The following THRAP3 variants were observed in gnomAD, a reference collection of about 807,000 sequenced individuals.
THRAP3 encodes thyroid hormone receptor-associated protein 3.
In THRAP3, 16 loss-of-function variants were observed where a neutral mutation model predicts 101.0. The observed-to-expected ratio is 0.16, with a 90% confidence interval of 0.11 to 0.24. The LOEUF (loss-of-function observed/expected upper bound fraction) is 0.24, where lower values mean the gene tolerates loss of function less well. THRAP3 is among the 10% of genes least tolerant of loss of function. The pLI is 1.00. For synonymous variants in THRAP3, 407 were observed against 422.6 expected (o/e 0.96, Z 0.45); for missense variants, 989 against 1,202.7 (o/e 0.82, Z 2.63).
At chr1:36,276,912 T>TA (rs1229785857) in intron 2 of THRAP3, among the ~76,000 whole-genome samples, 1 of 151,916 alleles carries the variant, frequency 6.6e-6, no homozygotes, top group African/African-American at 2.4e-5. Flanking sequence ...TGGGAGAAAA[T>TA]ACTTGCAAGT....
intron 1 of THRAP3, among the ~76,000 whole-genome samples, chr1:36,238,182 A>G (rs1223387812): frequency 6.6e-6 from 1 of 152,006 alleles, no homozygotes; most frequent in Admixed American, 6.6e-5. Flanking sequence ...TGCCCAGGGT[A>G]GTCTTAAACT....
chr1:36,213,722 C>G, the THRAP3 span, among the ~76,000 whole-genome samples: 1 of 151,766 alleles, frequency 6.6e-6, no homozygotes, highest in Non-Finnish European at 1.5e-5. Flanking sequence ...TGGCGTGCGC[C>G]TGTAATCCCA....
chr1:36,262,157 A>G (rs1645454625), intron 2 of THRAP3, among the ~76,000 whole-genome samples: 1 of 152,224 alleles, frequency 6.6e-6, no homozygotes, highest in Non-Finnish European at 1.5e-5. Flanking sequence ...TTATTTCAAC[A>G]TATAAGTGAT....
chr1:36,283,668 AGCTGTTTATTT>A (rs1557445329), intron 3 of THRAP3, among the ~76,000 whole-genome samples: 3 of 3,208 alleles, frequency 9.4e-4, no homozygotes, highest in Non-Finnish European at 5.6e-3. Context: ...TGAATTGATT[AGCTGTTTATTT>A]CAGATGAGTA....
chr1:36,282,229 TTCTC>T (rs199682194), intron 2 of THRAP3, among the ~76,000 whole-genome samples: 12,477 of 141,860 alleles, frequency 0.088, 708 homozygotes, highest in Middle Eastern at 0.24. Flanking sequence ...CTCAGCCACT[TTCTC>T]TCTTTTTTTT....
intron 2 of THRAP3, among the ~76,000 whole-genome samples, chr1:36,269,753 A>G (rs886565073): frequency 2.0e-5 from 3 of 151,360 alleles, no homozygotes; most frequent in Admixed American, 1.3e-4. Context: ...TTTTTTTTAA[A>G]TCTTCTGTAG....
chr1:36,275,586 C>G (rs867229876), intron 2 of THRAP3, among the ~76,000 whole-genome samples: 34 of 13,826 alleles, frequency 2.5e-3, no homozygotes, highest in African/African-American at 5.7e-3. Context: ...GACTCTGTCT[C>G]AAAAAAAAAA....
chr1:36,262,586 G>A (rs1455340300), intron 2 of THRAP3, among the ~76,000 whole-genome samples: 1 of 152,102 alleles, frequency 6.6e-6, no homozygotes, highest in East Asian at 1.9e-4. Flanking sequence ...TTTGTAAACA[G>A]TGGATGTCTG....
intron 1 of THRAP3, among the ~76,000 whole-genome samples, chr1:36,241,112 C>A (rs748162447): frequency 2.8e-5 from 4 of 143,804 alleles, no homozygotes; most frequent in Non-Finnish European, 4.5e-5. Flanking sequence ...GAGGCTGAGG[C>A]AGGAGAATGG....
Position 36,296,472 on chromosome 1 carries a change from C to T in THRAP3, c.2116-111C>T, listed in dbSNP as rs2124634191. On this transcript the variant is annotated intron_variant, in intron 8 of 11. Coordinates refer to ENST00000354618, the MANE Select transcript of THRAP3 (RefSeq NM_005119.4). ...AGCTTGGGTGAGATGCCTCACATTT[C>T]CCAGTGCTTCCTCTGCACCCCTCCA... 3.7e-6 allele frequency: 3 copies of T among 819,120 alleles called. No individual in the cohort carries two copies. The South Asian group carries it at 5.9e-5, about 16-fold the overall frequency. The allele number at this position is 819,120 out of a possible 1,614,324, so 50.7% of individuals were successfully genotyped here. A position where few individuals can be genotyped will look rare whatever the true frequency, so the allele number is the denominator to read the frequency against.
At chr1:36,290,835 G>A (rs569143284) in intron 5 of THRAP3, among the ~76,000 whole-genome samples, 1 of 152,292 alleles carries the variant, frequency 6.6e-6, no homozygotes, top group South Asian at 2.1e-4. Context: ...GAGTTGGGAG[G>A]CCAAGGCTGA....
Position 36,305,065 on chromosome 1 carries a change from T to C in THRAP3, c.*1048T>C, listed in dbSNP as rs1359624351. ...TTTAAGTTGAAGCATTCTCAGATGT[T>C]TGGGGGGAAACATCCTCTTAAAATG... On this transcript the variant is annotated 3_prime_UTR_variant, in exon 12 of 12. Coordinates refer to ENST00000354618, the MANE Select transcript of THRAP3 (RefSeq NM_005119.4). The C allele has an allele frequency of 1.9e-5, 4 of 210,126 alleles. No homozygotes were observed. Among genetic ancestry groups the C allele is most frequent in the African/African-American group, 9.1e-5 (4 of 43,946 alleles). The allele number at this position is 210,126 out of a possible 1,614,324, so 13.0% of individuals were successfully genotyped here.
At chr1:36,213,973 GAAAGAAAGAAAGAAAGAAAGAAAGGAAA>G in the THRAP3 span, among the ~76,000 whole-genome samples, 1 of 85,974 alleles carries the variant, frequency 1.2e-5, no homozygotes, top group African/African-American at 6.0e-5. Flanking sequence ...GAAAGAGAAA[GAAAGAAAGAAAGAAAGAAAGAAAGGAAA>G]GAAAGAAAGA....
At chr1:36,257,675 C>T (rs544839811) in intron 1 of THRAP3, among the ~76,000 whole-genome samples, 2 of 152,234 alleles carry the variant, frequency 1.3e-5, no homozygotes. Flanking sequence ...CTCATCGCAA[C>T]AATGGGGAAT....
intron 1 of THRAP3, among the ~76,000 whole-genome samples, chr1:36,259,178 T>C (rs1277436032): frequency 6.6e-6 from 1 of 152,218 alleles, no homozygotes; most frequent in East Asian, 1.9e-4. Flanking sequence ...AGGAAGGCTT[T>C]TGCTTTCCAT....
Position 36,287,032 on chromosome 1 carries a change from A to G in THRAP3, c.802A>G (p.Ser268Gly), listed in dbSNP as rs879477745. 1.2e-6 allele frequency: 2 copies of G among 1,613,758 alleles called. No homozygotes were observed. Among genetic ancestry groups the G allele is most frequent in the Non-Finnish European group, 1.7e-6 (2 of 1,179,828 alleles). Reference protein sequence around the residue: ...VVVRRRSPRPSPVPKPSPPLS... With the variant: ...VVVRRRSPRPGPVPKPSPPLS... ...GGTGAGGCGGCGGTCACCCCGTCCT[A>G]GCCCCGTGCCAAAACCTAGTCCTCC... The change falls in exon 4 of 12, where the codon AGC (serine) becomes GGC (glycine). Residue 268 changes from serine to glycine, a missense_variant. Transcript: ENST00000354618.
At chr1:36,243,613 G>C (rs546720447) in intron 1 of THRAP3, among the ~76,000 whole-genome samples, 36 of 152,256 alleles carry the variant, frequency 2.4e-4, no homozygotes, top group African/African-American at 7.2e-4. Flanking sequence ...ACACAGACAC[G>C]GCAACCATCC....
At chr1:36,212,577 T>C in the THRAP3 span, among the ~76,000 whole-genome samples, 1 of 152,002 alleles carries the variant, frequency 6.6e-6, no homozygotes. Flanking sequence ...CGTGCCACCA[T>C]GCTCGGCCAG....
intron 7 of THRAP3, 93 bp from the exon 8 acceptor site, chr1:36,293,758 C>T: frequency 9.4e-7 from 1 of 1,066,302 alleles, no homozygotes; most frequent in Admixed American, 2.0e-5. Context: ...AAAATAATGC[C>T]TGTGAATCTA....
Sources: allele counts gnomAD v4.1 joint callset (sites outside exome capture counted in the v4.1 genomes callset), GRCh38; gene constraint gnomAD v4.1.1; transcripts MANE v1.5; gene names NCBI Gene and HGNC (gene_info 2026-07-23, HGNC 2026-07-21).